PLCH2: variants seen among roughly 807,000 people sequenced by gnomAD.
PLCH2 encodes the protein 1-phosphatidylinositol 4,5-bisphosphate phosphodiesterase eta-2.
A neutral mutation model predicts 134.7 loss-of-function variants in PLCH2; 98 were observed. The ratio of observed to expected loss-of-function variants is 0.73; its 90% CI spans 0.62 to 0.86. The LOEUF (loss-of-function observed/expected upper bound fraction) is 0.86. Among genes scored for constraint, PLCH2 ranks in the 40% least tolerant of loss-of-function variants. The probability of loss-of-function intolerance (pLI) is 0.00; values close to 1 mark genes in which losing one functional copy is unlikely to be tolerated. For synonymous variants in PLCH2, 974 were observed against 827.5 expected (o/e 1.18, Z -3.04); for missense variants, 1,994 against 1,986.6 (o/e 1.00, Z -0.07).
At chr1:2,452,855 C>G (rs1640311545) in intron 2 of PLCH2, among the ~76,000 whole-genome samples, 1 of 152,230 alleles carries the variant, frequency 6.6e-6, no homozygotes, top group Admixed American at 6.5e-5. Context: ...AAGGCAGTGC[C>G]TTTGTTGCCC....
the PLCH2 span, among the ~76,000 whole-genome samples, chr1:2,419,698 G>A: frequency 1.3e-5 from 2 of 152,156 alleles, no homozygotes; most frequent in African/African-American, 4.8e-5. Context: ...AGACCCGGGG[G>A]CCAGCTTTGA....
chr1:2,502,014 G>A (rs1370337288), intron 20 of PLCH2, 98 bp from the exon 21 acceptor site: 2 of 1,135,114 alleles, frequency 1.8e-6, no homozygotes, highest in Non-Finnish European at 2.4e-6. Flanking sequence ...GACACGCATG[G>A]CACGTCTGTG....
chr1:2,478,739 C>A, intron 2 of PLCH2, 117 bp downstream of exon 2: 1 of 1,039,438 alleles, frequency 9.6e-7, no homozygotes, highest in South Asian at 1.5e-5. Context: ...GGCCTGGACA[C>A]CTCTGGGCTC....
intron 2 of PLCH2, among the ~76,000 whole-genome samples, chr1:2,440,837 GT>G (rs1639659523): frequency 6.6e-6 from 1 of 152,238 alleles, no homozygotes; most frequent in South Asian, 2.1e-4. Context: ...ATTGCTGTTG[GT>G]GTCATCTCTC....
intron 3 of PLCH2, 26 bp downstream of exon 3, chr1:2,480,003 T>G (rs1290486515): frequency 1.3e-6 from 2 of 1,596,686 alleles, no homozygotes; most frequent in Non-Finnish European, 1.7e-6. Context: ...TATCGGGCAA[T>G]GCAGACCCAG....
chr1:2,483,806 TG>T (rs1235245327), intron 4 of PLCH2, among the ~76,000 whole-genome samples: 2 of 118,434 alleles, frequency 1.7e-5, no homozygotes, highest in Admixed American at 8.2e-5. Context: ...CTGACCCCCG[TG>T]TGGGGGTGGC....
intron 1 of PLCH2, 50 bp downstream of exon 1, chr1:2,476,762 G>A (rs769587136): frequency 2.6e-6 from 4 of 1,528,764 alleles, no homozygotes; most frequent in Admixed American, 4.1e-5. Context: ...CCCTGGCCAG[G>A]TGACTGGTGG....
intron 2 of PLCH2, among the ~76,000 whole-genome samples, chr1:2,453,963 G>A (rs1032238096): frequency 1.8e-4 from 26 of 142,790 alleles, no homozygotes; most frequent in African/African-American, 7.7e-4. Flanking sequence ...TCTGAGAGCC[G>A]AGTGTGTGGG....
Position 2,478,603 on chromosome 1 carries a change from CA to C in PLCH2, c.254del (p.Lys85ArgfsTer15). ...CCTGCATCCGCTGGAGGCCCTCACGCAAGAACGAGAAGGCCAAGAGTGAGTG... is the reference window on the plus strand; with the variant it reads ...CCTGCATCCGCTGGAGGCCCTCACGCAGAACGAGAAGGCCAAGAGTGAGTG... ...RSCIRWRPSR[K>X]NEKAKISIDS... On this transcript the variant is annotated frameshift_variant, in exon 2 of 22. Coordinates refer to ENST00000378486, the MANE Select transcript of PLCH2 (RefSeq NM_014638.4). LOFTEE classifies it high-confidence loss of function. 6.2e-7 allele frequency: 1 copy of C among 1,610,998 alleles called. No individual in the cohort carries two copies. Among genetic ancestry groups the C allele is most frequent in the Non-Finnish European group, 8.5e-7 (1 of 1,179,122 alleles).
intron 2 of PLCH2, among the ~76,000 whole-genome samples, chr1:2,455,740 C>T (rs977089518): frequency 2.0e-4 from 31 of 152,146 alleles, no homozygotes; most frequent in African/African-American, 7.0e-4. Flanking sequence ...AGCGCACCTG[C>T]TGCAGGTGTG....
Position 2,476,663 on chromosome 1 carries a change from G to A in PLCH2, c.75G>A (p.Trp25Ter), listed in dbSNP as rs1224202426. The change falls in exon 1 of 22, where the codon TGG (tryptophan) becomes TGA (stop). Residue 25 changes from tryptophan to a stop codon, truncating the protein, a stop_gained. Coordinates refer to ENST00000378486, the MANE Select transcript of PLCH2 (RefSeq NM_014638.4). LOFTEE classifies it high-confidence loss of function. ...CCTGGCTGGCGGAGGTACTCCTCTG[G>A]GTTGGAGGGAGTGTGGTGCTGTCTT... is the stretch of plus-strand genomic sequence containing the variant. ...TVAWLAEVLL[W>*]VGGSVVLSSE... 6.2e-7 allele frequency: 1 copy of A among 1,610,376 alleles called. No individual in the cohort carries two copies. The highest frequency in any genetic ancestry group is 1.7e-5 in the Admixed American group (1 of 59,792).
intron 1 of PLCH2, among the ~76,000 whole-genome samples, chr1:2,430,053 T>A (rs1638994080): frequency 6.6e-6 from 1 of 152,140 alleles, no homozygotes; most frequent in African/African-American, 2.4e-5. Flanking sequence ...GGGTCCCTGG[T>A]CTTCTGGCTT....
chr1:2,454,800 C>T (rs777971277), intron 2 of PLCH2, among the ~76,000 whole-genome samples: 11 of 152,174 alleles, frequency 7.2e-5, no homozygotes, highest in African/African-American at 1.7e-4. Flanking sequence ...GGCCTGTCTC[C>T]GAAGGTCTGT....
upstream of PLCH2, among the ~76,000 whole-genome samples, chr1:2,473,909 T>C (rs998359708): frequency 1.3e-5 from 2 of 152,234 alleles, no homozygotes; most frequent in Non-Finnish European, 2.9e-5. Flanking sequence ...CAATCCCACC[T>C]GAGCTCCCAC....
chr1:2,444,561 C>T lies in PLCH2; in HGVS notation c.115+13932C>T, dbSNP rs1315053844. On this transcript the variant is annotated intron_variant, in intron 2 of 3. Coordinates refer to the PLCH2 transcript ENST00000609981. The surrounding 1 kb of genome is among the most constrained non-coding windows in gnomAD (Gnocchi z 4.6). The stretch of plus-strand genomic sequence containing the variant: ...GTTTGAGTGTCCACTGCTGAGGGGT[C>T]TCCTGGGCTCTGGACCTGCCGGCAG... Among the ~76,000 whole-genome samples the T allele has an allele frequency of 6.6e-6, 1 of 152,166 alleles. No individual in the cohort carries two copies. The highest frequency in any genetic ancestry group is 6.5e-5 in the Admixed American group (1 of 15,286).
intron 12 of PLCH2, among the ~76,000 whole-genome samples, chr1:2,495,177 A>G (rs1642813170): frequency 6.6e-6 from 1 of 152,178 alleles, no homozygotes; most frequent in Non-Finnish European, 1.5e-5. Flanking sequence ...TGCAGGTGCC[A>G]GGGACTGGGC....
chr1:2,502,024 G>A, intron 20 of PLCH2, 88 bp from the exon 21 acceptor site: 1 of 1,225,772 alleles, frequency 8.2e-7, no homozygotes, highest in South Asian at 1.6e-5. Context: ...GCACGTCTGT[G>A]GCACGGTCTG....
In PLCH2 at chr1:2,502,329, C is replaced by G; in HGVS notation, c.2879C>G (p.Ala960Gly). 6.5e-7 allele frequency: 1 copy of G among 1,535,290 alleles called. No homozygotes were observed. The highest frequency in any genetic ancestry group is 8.8e-7 in the Non-Finnish European group (1 of 1,141,534). The change falls in exon 21 of 22, where the codon GCA becomes GGA. Residue 960 changes from alanine to glycine, a missense_variant. Physicochemically the swap from Ala to Gly is moderately conservative, Grantham distance 60 (BLOSUM62 0). Transcript: ENST00000378486. Reference protein sequence around the residue: ...GTRDTGSKGVADDVVPPGPGP... With the variant: ...GTRDTGSKGVGDDVVPPGPGP... Reference sequence around the variant, plus strand: ...CGGGACACAGGCTCCAAGGGGGTGGCAGACGATGTGGTGCCCCCCGGGCCC... The same window carrying G: ...CGGGACACAGGCTCCAAGGGGGTGGGAGACGATGTGGTGCCCCCCGGGCCC...
Position 2,447,748 on chromosome 1 carries a change from C to T in PLCH2, c.115+17119C>T, listed in dbSNP as rs570924526. ...GGCCTCACTCCTCCCTGATGTGGCCCGGTCTGCCCACTTCGGGGCAGCTGC... is the reference window on the plus strand; with the variant it reads ...GGCCTCACTCCTCCCTGATGTGGCCTGGTCTGCCCACTTCGGGGCAGCTGC... On this transcript the variant is annotated intron_variant, in intron 2 of 3. Coordinates refer to the PLCH2 transcript ENST00000609981. 1.7e-3 allele frequency among the ~76,000 whole-genome samples: 252 copies of T among 152,332 alleles called. 2 individuals carry two copies. The highest frequency in any genetic ancestry group is 1.4e-3 in the Non-Finnish European group (98 of 68,020).
Sources: allele counts gnomAD v4.1 joint callset (sites outside exome capture counted in the v4.1 genomes callset), GRCh38; gene constraint gnomAD v4.1.1; non-coding constraint Gnocchi (gnomAD v3.1); transcripts MANE v1.5; gene names NCBI Gene and HGNC (gene_info 2026-07-23, HGNC 2026-07-21).